The following VWA1 variants were observed in gnomAD, a reference collection of about 807,000 sequenced individuals.
The protein encoded by VWA1 is von Willebrand factor A domain-containing protein 1.
VWA1 carries 12 observed loss-of-function variants against 14.9 expected under a neutral mutation model. The ratio of observed to expected loss-of-function variants is 0.80; its 90% CI spans 0.52 to 1.30. The LOEUF is 1.30. Ranked by LOEUF, VWA1 falls within the 50% of genes most tolerant of loss-of-function variation. VWA1 has a pLI of 0.00. For synonymous variants in VWA1, 368 were observed against 310.7 expected (o/e 1.18, Z -1.94); for missense variants, 800 against 649.1 (o/e 1.23, Z -2.53).
chr1:1,441,839 T>A lies in VWA1; in HGVS notation c.*2052T>A, dbSNP rs1638676785. 6.6e-6 allele frequency: 1 copy of A among 152,140 alleles called. No individual in the cohort carries two copies. Among genetic ancestry groups the A allele is most frequent in the African/African-American group, 2.4e-5 (1 of 41,418 alleles). 9.4% of individuals were successfully genotyped at this position (152,140 alleles called of 1,614,324 possible). ...GACGACTCAGACTCACATGAGAAGCTGGGAGGAGCTCCAGCTCTGCAATCC... is the reference window on the plus strand; with the variant it reads ...GACGACTCAGACTCACATGAGAAGCAGGGAGGAGCTCCAGCTCTGCAATCC... On this transcript the variant is annotated 3_prime_UTR_variant, in exon 3 of 3. Coordinates refer to ENST00000476993, the MANE Select transcript of VWA1 (RefSeq NM_022834.5).
Position 1,437,108 on chromosome 1 carries a change from G to T in VWA1, c.255G>T (p.Glu85Asp). The T allele has an allele frequency of 1.2e-6, 2 of 1,605,504 alleles. No individual in the cohort carries two copies. Among genetic ancestry groups the T allele is most frequent in the Non-Finnish European group, 1.7e-6 (2 of 1,174,724 alleles). ...ACGTGGGCAGTCGGCCATACACCGA[G>T]TTCCCCTTCGGCCAGCACAGCTCGG... ...LVHVGSRPYTEFPFGQHSSGE... is the reference protein window; with the variant it reads ...LVHVGSRPYTDFPFGQHSSGE... Residue 85 changes from glutamate (E) to aspartate (D), a missense_variant, in exon 2 of 3, where the codon GAG becomes GAT. Transcript: ENST00000476993.
chr1:1,439,757 G>A lies in VWA1; in HGVS notation c.1308G>A (p.Pro436=), dbSNP rs1638624312. Reference sequence around the variant, plus strand: ...GCCCACGCCCCGTGCCCCGCGCCCCGACCCCGGGGACCGCCAGCCGTGAGC... The same window carrying A: ...GCCCACGCCCCGTGCCCCGCGCCCCAACCCCGGGGACCGCCAGCCGTGAGC... ...RPRPRPVPRA[P]TPGTASREP The change falls in exon 3 of 3, where the codon CCG becomes CCA. Residue 436 remains proline, a synonymous_variant. Coordinates refer to ENST00000476993, the MANE Select transcript of VWA1 (RefSeq NM_022834.5). 5.5e-6 allele frequency: 6 copies of A among 1,086,136 alleles called. 1 individual carries two copies. The Admixed American group carries it at 3.3e-4, about 59-fold the overall frequency. 67.3% of individuals were successfully genotyped at this position (1,086,136 alleles called of 1,614,324 possible).
chr1:1,439,891 G>A lies in VWA1; in HGVS notation c.*104G>A. 9.8e-7 allele frequency: 1 copy of A among 1,024,142 alleles called. No homozygotes were observed. Among genetic ancestry groups the A allele is most frequent in the Non-Finnish European group, 1.2e-6 (1 of 854,338 alleles). The allele number at this position is 1,024,142 out of a possible 1,614,324, so 63.4% of individuals were successfully genotyped here. On this transcript the variant is annotated 3_prime_UTR_variant, in exon 3 of 3. Coordinates refer to ENST00000476993, the MANE Select transcript of VWA1 (RefSeq NM_022834.5). ...AACCCGGCAGACGGGTGCAGGCCCG[G>A]CCTTTCCCCACGCGGACTCCGCGCG... is the stretch of plus-strand genomic sequence containing the variant.
Position 1,436,934 on chromosome 1 carries a change from A to G in VWA1, c.81A>G (p.Pro27=). 6.3e-7 allele frequency: 1 copy of G among 1,590,046 alleles called. No individual in the cohort carries two copies. The highest frequency in any genetic ancestry group is 8.6e-7 in the Non-Finnish European group (1 of 1,165,760). ...LARSGAERGP[P]ASAPRGDLMF... ...ATTCCTCCTTTCCCCCAGGTCCACC[A>G]GCATCAGCCCCCCGAGGGGACCTGA... Residue 27 remains proline, a synonymous_variant, in exon 2 of 3, where the codon CCA becomes CCG. Coordinates refer to ENST00000476993, the MANE Select transcript of VWA1 (RefSeq NM_022834.5).
At chr1:1,438,703 C>A (rs1638595215) in intron 2 of VWA1, among the ~76,000 whole-genome samples, 1 of 152,146 alleles carries the variant, frequency 6.6e-6, no homozygotes. Flanking sequence ...AGACCCCGGC[C>A]TGGCCACTCA....
In VWA1 at chr1:1,437,163, T is replaced by G; in HGVS notation, c.310T>G (p.Ser104Ala). The G allele has an allele frequency of 6.2e-7, 1 of 1,610,386 alleles. No individual in the cohort carries two copies. Among genetic ancestry groups the G allele is most frequent in the African/African-American group, 1.3e-5 (1 of 75,012 alleles). ...GEAAQDAVRA[S>A]AQRMGDTHTG... The stretch of plus-strand genomic sequence containing the variant: ...GGCTGCCCAGGATGCGGTGCGTGCT[T>G]CTGCCCAGCGCATGGGTGACACCCA... Residue 104 changes from serine to alanine, a missense_variant, in exon 2 of 3, where the codon TCT (serine) becomes GCT (alanine). Ser to Ala is a moderately conservative substitution (Grantham distance 99, BLOSUM62 1). Coordinates refer to ENST00000476993, the MANE Select transcript of VWA1 (RefSeq NM_022834.5).
At chr1:1,435,916 C>G in intron 1 of VWA1, 95 bp downstream of exon 1, 5 of 143,088 alleles carry the variant, frequency 3.5e-5, no homozygotes, top group Non-Finnish European at 7.6e-5. Context: ...CTGCTCCGGA[C>G]GGGCGGGCGG....
chr1:1,441,584 C>T lies in VWA1; in HGVS notation c.*1797C>T, dbSNP rs1279031817. 6.6e-6 allele frequency: 1 copy of T among 152,410 alleles called. No homozygotes were observed. Among genetic ancestry groups the T allele is most frequent in the African/African-American group, 2.4e-5 (1 of 41,448 alleles). 9.4% of individuals were successfully genotyped at this position (152,410 alleles called of 1,614,324 possible). On this transcript the variant is annotated 3_prime_UTR_variant, in exon 3 of 3. Coordinates refer to ENST00000476993, the MANE Select transcript of VWA1 (RefSeq NM_022834.5). ...ACTGCACTGCTGGTCGGCAGGTGGCCAGGGTTGCAGGCCCGGGCCTCGGGC... is the reference window on the plus strand; with the variant it reads ...ACTGCACTGCTGGTCGGCAGGTGGCTAGGGTTGCAGGCCCGGGCCTCGGGC...
In VWA1 at chr1:1,442,245, G is replaced by A. The variant is rs1231372144; in HGVS notation, c.*2458G>A. ...CCACCCAGGGTGCAGTGCAGAGGCT[G>A]ATACCCGCCAGGACTTCCTTGCCAA... On this transcript the variant is annotated 3_prime_UTR_variant, in exon 3 of 3. Coordinates refer to ENST00000476993, the MANE Select transcript of VWA1 (RefSeq NM_022834.5). 6.6e-6 allele frequency: 1 copy of A among 152,300 alleles called. No homozygotes were observed. The highest frequency in any genetic ancestry group is 2.4e-5 in the African/African-American group (1 of 41,466). 9.4% of individuals were successfully genotyped at this position (152,300 alleles called of 1,614,324 possible). A position where few individuals can be genotyped will look rare whatever the true frequency, so the allele number is the denominator to read the frequency against.
At position 1,441,748 on chromosome 1, in the gene VWA1, G is replaced by C. The variant is rs150625565; in HGVS notation, c.*1961G>C. The C allele has an allele frequency of 6.6e-6, 1 of 152,296 alleles. No homozygotes were observed. The highest frequency in any genetic ancestry group is 1.5e-5 in the Non-Finnish European group (1 of 68,084). 9.4% of individuals were successfully genotyped at this position (152,296 alleles called of 1,614,324 possible). A position where few individuals can be genotyped will look rare whatever the true frequency, so the allele number is the denominator to read the frequency against. On this transcript the variant is annotated 3_prime_UTR_variant, in exon 3 of 3. Transcript: ENST00000476993. ...CACACTGAGCCCAGGCCCAGCTCAC[G>C]GAGCACCCTGCAGGTGGCAGCGGGG...
In VWA1 at chr1:1,436,994, C is replaced by G; in HGVS notation, c.141C>G (p.His47Gln). ...FLLDSSASVS[H>Q]YEFSRVREFV... ...TGGACAGCTCAGCCAGCGTCTCTCA[C>G]TACGAGTTCTCCCGGGTTCGGGAGT... is the stretch of plus-strand genomic sequence containing the variant. The change falls in exon 2 of 3, where the codon CAC becomes CAG. Residue 47 changes from histidine to glutamine, a missense_variant. Physicochemically the swap from His to Gln is conservative, Grantham distance 24 (BLOSUM62 0). Coordinates refer to ENST00000476993, the MANE Select transcript of VWA1 (RefSeq NM_022834.5). The G allele has an allele frequency of 1.9e-6, 3 of 1,612,676 alleles. No homozygotes were observed. Among genetic ancestry groups the G allele is most frequent in the Non-Finnish European group, 2.5e-6 (3 of 1,179,908 alleles).
chr1:1,437,932 C>T (rs1638579606), intron 2 of VWA1, among the ~76,000 whole-genome samples: 1 of 152,220 alleles, frequency 6.6e-6, no homozygotes, highest in Non-Finnish European at 1.5e-5. Context: ...GTGGGGACAG[C>T]CGCCGAGGGC....
Position 1,440,979 on chromosome 1 carries a change from T to A in VWA1, c.*1192T>A, listed in dbSNP as rs1302603578. On this transcript the variant is annotated 3_prime_UTR_variant, in exon 3 of 3. Transcript: ENST00000476993. ...CTGGGCCCAGGGCAGGTGGCTGGAA[T>A]GCAGAGGACAAGGGGGCTGGGGCCT... is the stretch of plus-strand genomic sequence containing the variant. The A allele has an allele frequency of 3.3e-5, 5 of 152,062 alleles. No individual in the cohort carries two copies. Among genetic ancestry groups the A allele is most frequent in the Non-Finnish European group, 7.4e-5 (5 of 68,006 alleles). The allele number at this position is 152,062 out of a possible 1,614,324, so 9.4% of individuals were successfully genotyped here.
Position 1,439,505 on chromosome 1 carries a change from G to A in VWA1, c.1056G>A (p.Trp352Ter), listed in dbSNP as rs928675450. 11 of 1,409,232 alleles carry A rather than the reference G, an allele frequency of 7.8e-6. No homozygotes were observed. Among genetic ancestry groups the A allele is most frequent in the Non-Finnish European group, 1.0e-5 (11 of 1,085,338 alleles). 87.3% of individuals were successfully genotyped at this position (1,409,232 alleles called of 1,614,324 possible). A position where few individuals can be genotyped will look rare whatever the true frequency, so the allele number is the denominator to read the frequency against. Residue 352 changes from tryptophan to a stop codon, truncating the protein, a stop_gained, in exon 3 of 3, where the codon TGG (tryptophan) becomes TGA (stop). Transcript: ENST00000476993. LOFTEE classifies it low-confidence loss of function (END_TRUNC). ...HARPRSLRVSWAPALGSAAAL... is the reference protein window; with the variant it reads ...HARPRSLRVS Reference sequence around the variant, plus strand: ...GGCCGCGCAGCCTCCGCGTGAGTTGGGCCCCAGCGCTGGGCTCAGCCGCGG... The same window carrying A: ...GGCCGCGCAGCCTCCGCGTGAGTTGAGCCCCAGCGCTGGGCTCAGCCGCGG...
rs184782161 is a variant in VWA1, at chr1:1,436,888, G to A, written c.74-39G>A. ...TGCCTTGCTGTGGGGCTGTCTGGGG[G>A]GCCCACACCTGAGGCTGAGCATTCC... On this transcript the variant is annotated intron_variant, in intron 1 of 2. Coordinates refer to ENST00000476993, the MANE Select transcript of VWA1 (RefSeq NM_022834.5). 7.7e-3 allele frequency: 11,828 copies of A among 1,528,394 alleles called. 66 individuals carry two copies. Among genetic ancestry groups the A allele is most frequent in the Non-Finnish European group, 9.1e-3 (10,331 of 1,136,610 alleles). The allele number at this position is 1,528,394 out of a possible 1,614,324, so 94.7% of individuals were successfully genotyped here.
chr1:1,439,502 T>G lies in VWA1; in HGVS notation c.1053T>G (p.Ser351Arg). The stretch of plus-strand genomic sequence containing the variant: ...CCCGGCCGCGCAGCCTCCGCGTGAG[T>G]TGGGCCCCAGCGCTGGGCTCAGCCG... ...SHARPRSLRV[S>R]WAPALGSAAA... The change falls in exon 3 of 3, where the codon AGT (serine) becomes AGG (arginine). Residue 351 changes from serine to arginine, a missense_variant. Transcript: ENST00000476993. 1 of 1,410,542 alleles carries G rather than the reference T, an allele frequency of 7.1e-7. No homozygotes were observed. The highest frequency in any genetic ancestry group is 9.2e-7 in the Non-Finnish European group (1 of 1,086,134). The allele number at this position is 1,410,542 out of a possible 1,614,324, so 87.4% of individuals were successfully genotyped here.
Position 1,437,120 on chromosome 1 carries a change from C to G in VWA1, c.267C>G (p.Gly89=). 6.2e-7 allele frequency: 1 copy of G among 1,605,892 alleles called. No homozygotes were observed. The highest frequency in any genetic ancestry group is 8.5e-7 in the Non-Finnish European group (1 of 1,175,090). Residue 89 remains glycine, a synonymous_variant, in exon 2 of 3, where the codon GGC becomes GGG. Coordinates refer to ENST00000476993, the MANE Select transcript of VWA1 (RefSeq NM_022834.5). ...GSRPYTEFPF[G]QHSSGEAAQD... is the part of the protein sequence containing the mutation. ...GGCCATACACCGAGTTCCCCTTCGG[C>G]CAGCACAGCTCGGGTGAGGCTGCCC...
In VWA1 at chr1:1,439,694, G is replaced by A. The variant is rs1294486128; in HGVS notation, c.1245G>A (p.Leu415=). Residue 415 remains leucine, a synonymous_variant, in exon 3 of 3, where the codon CTG becomes CTA. Coordinates refer to ENST00000476993, the MANE Select transcript of VWA1 (RefSeq NM_022834.5). ...AAFRSGRESA[L]SAKACTPDGP... ...TCCGCTCGGGCCGCGAGAGCGCGCT[G>A]TCCGCCAAGGCCTGCACGCCCGACG... 3.2e-6 allele frequency: 4 copies of A among 1,267,804 alleles called. No individual in the cohort carries two copies. The highest frequency in any genetic ancestry group is 2.0e-6 in the Non-Finnish European group (2 of 997,130). 78.5% of individuals were successfully genotyped at this position (1,267,804 alleles called of 1,614,324 possible).
Position 1,435,771 on chromosome 1 carries a change from G to A in VWA1, c.23G>A (p.Gly8Asp). The change falls in exon 1 of 3, where the codon GGC becomes GAC. Residue 8 changes from glycine to aspartate, a missense_variant. Physicochemically the swap from Gly to Asp is moderately conservative, Grantham distance 94. Transcript: ENST00000476993. MLPWTAL[G>D]LALSLRLALA... The stretch of plus-strand genomic sequence containing the variant: ...GCGATGCTCCCCTGGACGGCGCTCG[G>A]CCTGGCCCTGAGCTTGCGGCTGGCG... 2.4e-6 allele frequency: 3 copies of A among 1,226,122 alleles called. No homozygotes were observed. Among genetic ancestry groups the A allele is most frequent in the South Asian group, 4.1e-5 (2 of 48,972 alleles). The allele number at this position is 1,226,122 out of a possible 1,614,324, so 76.0% of individuals were successfully genotyped here.
Sources: allele counts gnomAD v4.1 joint callset (sites outside exome capture counted in the v4.1 genomes callset), GRCh38; gene constraint gnomAD v4.1.1; transcripts MANE v1.5; gene names NCBI Gene and HGNC (gene_info 2026-07-23, HGNC 2026-07-21).